MACROD2: variants seen among roughly 807,000 people sequenced by gnomAD.
The protein encoded by MACROD2 is mono-ADP ribosylhydrolase 2.
A neutral mutation model predicts 70.4 loss-of-function variants in MACROD2; 36 were observed. The observed-to-expected ratio is 0.51, with a 90% CI of 0.39 to 0.68. The LOEUF is 0.68. MACROD2 is among the 30% of genes least tolerant of loss of function. MACROD2 has a pLI of 0.00. For missense variants in MACROD2, 496 were observed against 538.4 expected (o/e 0.92, Z 0.78); for synonymous variants, 172 against 178.8 (o/e 0.96, Z 0.30).
At position 15,818,407 on chromosome 20, in the gene MACROD2, A is replaced by G. The variant is rs115217676; in HGVS notation, c.646-44338A>G. On this transcript the variant is annotated intron_variant, in intron 8 of 17. Coordinates refer to ENST00000684519, the MANE Select transcript of MACROD2 (RefSeq NM_001351661.2). ...TTTTAGACCATCTAGGGTAACTTCC[A>G]GAAGTTGCCATGGCATTTGTAAACT... 4.3e-3 allele frequency among the ~76,000 whole-genome samples: 652 copies of G among 152,328 alleles called. 5 individuals carry two copies. The highest frequency in any genetic ancestry group is 0.014 in the African/African-American group (571 of 41,584).
chr20:15,236,979 A>ATG, intron 6 of MACROD2, among the ~76,000 whole-genome samples: 1 of 152,088 alleles, frequency 6.6e-6, no homozygotes, highest in Non-Finnish European at 1.5e-5. Context: ...TCTAGGGACC[A>ATG]TTTTGTGAGG....
At chr20:15,325,656 C>G (rs1325929535) in intron 6 of MACROD2, among the ~76,000 whole-genome samples, 4 of 152,122 alleles carry the variant, frequency 2.6e-5, no homozygotes, top group Non-Finnish European at 5.9e-5. Context: ...AAGCTATGGC[C>G]TGTCTGCATC....
intron 8 of MACROD2, among the ~76,000 whole-genome samples, chr20:15,737,859 A>G (rs1448555981): frequency 1.3e-5 from 2 of 149,714 alleles, no homozygotes; most frequent in Non-Finnish European, 3.0e-5. Context: ...TAAATAAATC[A>G]ATGGATGGAT....
chr20:14,012,868 C>T (rs1256497675), intron 2 of MACROD2, among the ~76,000 whole-genome samples: 1 of 152,114 alleles, frequency 6.6e-6, no homozygotes, highest in African/African-American at 2.4e-5. Context: ...TAGAAGGTGG[C>T]TAAGAAATAT....
chr20:14,195,435 G>T (rs1217201743), intron 3 of MACROD2, among the ~76,000 whole-genome samples: 2 of 152,148 alleles, frequency 1.3e-5, no homozygotes, highest in African/African-American at 4.8e-5. Context: ...AAGGGGAGAA[G>T]GGTGTGGTCC....
intron 3 of MACROD2, among the ~76,000 whole-genome samples, chr20:14,118,505 C>T (rs914659137): frequency 3.3e-5 from 5 of 152,188 alleles, no homozygotes; most frequent in African/African-American, 1.2e-4. Context: ...GAACACTAAA[C>T]CATTCTTTTT....
At chr20:14,389,295 G>A (rs879388773) in intron 3 of MACROD2, among the ~76,000 whole-genome samples, 2 of 151,788 alleles carry the variant, frequency 1.3e-5, no homozygotes, top group Non-Finnish European at 2.9e-5. Context: ...GGTTGCCCTT[G>A]CCTGTAATCC....
chr20:15,726,199 A>G (rs1282327976), intron 8 of MACROD2, among the ~76,000 whole-genome samples: 1 of 152,044 alleles, frequency 6.6e-6, no homozygotes, highest in Non-Finnish European at 1.5e-5. Context: ...TTCTGGTTCT[A>G]CGTTAGTTCT....
intron 4 of MACROD2, among the ~76,000 whole-genome samples, chr20:14,616,823 A>G (rs1983512513): frequency 2.0e-5 from 3 of 152,118 alleles, no homozygotes; most frequent in African/African-American, 7.2e-5. Flanking sequence ...TCATTTAAGA[A>G]CAGCTTAAAT....
chr20:14,673,920 C>CA (rs1175764543), intron 4 of MACROD2, among the ~76,000 whole-genome samples: 5,440 of 50,062 alleles, frequency 0.11, 184 homozygotes, highest in Non-Finnish European at 0.16. Context: ...AACTCCATCT[C>CA]AAAAAAAAAA....
At chr20:14,377,907 C>T (rs778840014) in intron 3 of MACROD2, among the ~76,000 whole-genome samples, 51 of 152,228 alleles carry the variant, frequency 3.4e-4, no homozygotes, top group East Asian at 7.7e-4. Flanking sequence ...GACCAGAAGT[C>T]GGGGCTCCAA....
In MACROD2 at chr20:15,064,584, A is replaced by T. The variant is rs149856182; in HGVS notation, c.419-165356A>T. On this transcript the variant is annotated intron_variant, in intron 5 of 17. Coordinates refer to ENST00000684519, the MANE Select transcript of MACROD2 (RefSeq NM_001351661.2). ...AAGTAACTTCGCATTTTTCATTTGT[A>T]CTGGTATCAGCCATTTCCTAAACAT... 2.7e-3 allele frequency among the ~76,000 whole-genome samples: 414 copies of T among 152,198 alleles called. 3 individuals carry two copies. The highest frequency in any genetic ancestry group is 9.6e-3 in the African/African-American group (398 of 41,534).
At chr20:14,315,307 ATACTCTACATTTGCAGAGTGGCT>A (rs1374543702) in intron 3 of MACROD2, among the ~76,000 whole-genome samples, 1 of 152,228 alleles carries the variant, frequency 6.6e-6, no homozygotes, top group African/African-American at 2.4e-5. Context: ...GTCTATGCTA[ATACTCTACATTTGCAGAGTGGCT>A]TACGGTTTAC....
intron 2 of MACROD2, among the ~76,000 whole-genome samples, chr20:14,048,192 C>G (rs560074110): frequency 1.3e-5 from 2 of 152,156 alleles, no homozygotes; most frequent in South Asian, 4.1e-4. Context: ...CATGCTGCAG[C>G]TGAGGAGATG....
chr20:14,191,397 A>G (rs188614417), intron 3 of MACROD2, among the ~76,000 whole-genome samples: 89 of 152,264 alleles, frequency 5.8e-4, no homozygotes, highest in African/African-American at 2.0e-3. Flanking sequence ...ACAATTCCCA[A>G]ATCTCAGGAT....
At chr20:15,673,900 G>T (rs1488184827) in intron 8 of MACROD2, among the ~76,000 whole-genome samples, 2 of 152,120 alleles carry the variant, frequency 1.3e-5, no homozygotes, top group African/African-American at 4.8e-5. Flanking sequence ...TGGCTATTGG[G>T]TATGAGAAAT....
intron 5 of MACROD2, among the ~76,000 whole-genome samples, chr20:15,006,589 G>A (rs566533120): frequency 1.6e-4 from 24 of 152,042 alleles, no homozygotes; most frequent in African/African-American, 5.3e-4. Context: ...TCAAAACTTC[G>A]TGCTGTATAC....
chr20:15,978,253 A>C (rs2066338938), intron 13 of MACROD2, among the ~76,000 whole-genome samples: 1 of 152,028 alleles, frequency 6.6e-6, no homozygotes, highest in South Asian at 2.1e-4. Context: ...CTCCCCAAAA[A>C]CAATGCAGCT....
At chr20:15,175,257 A>G (rs1390106844) in intron 5 of MACROD2, among the ~76,000 whole-genome samples, 2 of 126,164 alleles carry the variant, frequency 1.6e-5, no homozygotes, top group Admixed American at 1.1e-4. Flanking sequence ...GAAGGGGAAC[A>G]TCACACTCTG....
Sources: gnomAD v4.1 joint callset for allele counts (sites outside exome capture counted in the v4.1 genomes callset) on GRCh38, gnomAD v4.1.1 for gene constraint, MANE v1.5 for transcripts, NCBI Gene and HGNC (gene_info 2026-07-23, HGNC 2026-07-21) for gene names.